The following SAMD5 variants were observed in gnomAD, a reference collection of about 807,000 sequenced individuals.
SAMD5 encodes the protein sterile alpha motif domain containing 5, also known as sterile alpha motif domain-containing protein 5.
Under a neutral mutation model 11.3 loss-of-function variants are expected in SAMD5, and 13 were observed. The observed-to-expected ratio is 1.15, with a 90% CI of 0.75 to 1.83. SAMD5 has a LOEUF of 1.83. SAMD5 is among the 40% of genes most tolerant of loss of function. SAMD5 has a pLI of 0.00. For missense variants in SAMD5, 255 were observed against 239.1 expected (o/e 1.07, Z -0.44); for synonymous variants, 129 against 111.3 (o/e 1.16, Z -1.00).
At chr6:147,706,550 A>C (rs1446896053) in intron 1 of SAMD5, among the ~76,000 whole-genome samples, 4 of 152,228 alleles carry the variant, frequency 2.6e-5, no homozygotes, top group African/African-American at 7.2e-5. Context: ...TATGAAGGAA[A>C]GAGGAAAAAC....
At chr6:147,823,961 T>C in the SAMD5 span, among the ~76,000 whole-genome samples, 6 of 152,212 alleles carry the variant, frequency 3.9e-5, no homozygotes, top group African/African-American at 1.4e-4. Flanking sequence ...AATTTCCATT[T>C]GAATTATGGA....
the SAMD5 span, among the ~76,000 whole-genome samples, chr6:147,752,762 C>G: frequency 6.6e-6 from 1 of 152,280 alleles, no homozygotes; most frequent in South Asian, 2.1e-4. Context: ...AATCTGACCT[C>G]ATGGTGGCTC....
rs770967860 is a variant in SAMD5 at position 147,682,121 on chromosome 6, C to T, written c.163-55196C>T. 4.6e-5 allele frequency among the ~76,000 whole-genome samples: 7 copies of T among 152,166 alleles called. 1 individual carries two copies. Among genetic ancestry groups the T allele is most frequent in the South Asian group, 2.1e-4 (1 of 4,828 alleles). On this transcript the variant is annotated intron_variant, in intron 1 of 1. Transcript: ENST00000566741. ...CCTCCCTGGACTCTTATCTCTGTCT[C>T]CTCCATTTACAGTGGCATCAGGCTC...
chr6:147,737,115 G>C (rs1791814053), intron 1 of SAMD5, among the ~76,000 whole-genome samples: 1 of 152,028 alleles, frequency 6.6e-6, no homozygotes, highest in Admixed American at 6.6e-5. Context: ...ATACATTATA[G>C]TGTATTATAT....
At chr6:147,908,647 T>C in the SAMD5 span, among the ~76,000 whole-genome samples, 1 of 152,180 alleles carries the variant, frequency 6.6e-6, no homozygotes. Flanking sequence ...TCCTGTGGAT[T>C]TGTGTAGATA....
chr6:147,930,032 G>A, the SAMD5 span, among the ~76,000 whole-genome samples: 4 of 152,132 alleles, frequency 2.6e-5, no homozygotes, highest in African/African-American at 9.7e-5. Context: ...TCCACTAAAT[G>A]TCATAGACCT....
chr6:147,632,237 G>A (rs1234667803), intron 1 of SAMD5, among the ~76,000 whole-genome samples: 3 of 152,252 alleles, frequency 2.0e-5, no homozygotes, highest in African/African-American at 4.8e-5. Flanking sequence ...GAAGTAAAGC[G>A]GCCTTGAGAA....
chr6:147,628,506 G>T (rs551329856), intron 1 of SAMD5, among the ~76,000 whole-genome samples: 23 of 152,278 alleles, frequency 1.5e-4, no homozygotes, highest in African/African-American at 5.3e-4. Flanking sequence ...TTGATGATGG[G>T]ATTACTGGAG....
intron 1 of SAMD5, among the ~76,000 whole-genome samples, chr6:147,712,622 CTT>C (rs1441833999): frequency 1.3e-5 from 2 of 152,074 alleles, no homozygotes; most frequent in Non-Finnish European, 2.9e-5. Context: ...GGGTGGCACT[CTT>C]TTGATGGGAT....
intron 1 of SAMD5, among the ~76,000 whole-genome samples, chr6:147,606,513 C>T (rs1221242052): frequency 6.6e-6 from 1 of 151,464 alleles, no homozygotes; most frequent in Admixed American, 6.6e-5. Context: ...ATCTGTTACC[C>T]CTGCATTTTT....
chr6:147,558,788 C>A (rs1407813269), intron 1 of SAMD5, among the ~76,000 whole-genome samples: 4 of 152,058 alleles, frequency 2.6e-5, no homozygotes, highest in Non-Finnish European at 5.9e-5. Context: ...CCCCACTCCC[C>A]TTTAAGGCTA....
the SAMD5 span, among the ~76,000 whole-genome samples, chr6:147,939,052 T>C: frequency 1.3e-5 from 2 of 152,122 alleles, no homozygotes; most frequent in Non-Finnish European, 2.9e-5. Flanking sequence ...CCCTCCTAAG[T>C]TTTGATGACT....
At chr6:147,813,512 A>G in the SAMD5 span, among the ~76,000 whole-genome samples, 2,312 of 152,282 alleles carry the variant, frequency 0.015, 65 homozygotes, top group African/African-American at 0.053. Context: ...GATAAATAAT[A>G]TTGCCCTTTG....
intron 1 of SAMD5, among the ~76,000 whole-genome samples, chr6:147,535,166 C>T (rs1788489268): frequency 6.6e-6 from 1 of 152,178 alleles, no homozygotes; most frequent in South Asian, 2.1e-4. Flanking sequence ...CTTCTTCCTG[C>T]TTACAGGGGA....
At chr6:147,779,575 A>C in the SAMD5 span, among the ~76,000 whole-genome samples, 5 of 150,826 alleles carry the variant, frequency 3.3e-5, no homozygotes, top group African/African-American at 9.8e-5. Context: ...GGCTCACTGC[A>C]ACGTCTGCCT....
the SAMD5 span, among the ~76,000 whole-genome samples, chr6:147,754,116 G>C: frequency 6.6e-6 from 1 of 152,148 alleles, no homozygotes; most frequent in Non-Finnish European, 1.5e-5. Context: ...GGTTTCTGAG[G>C]AAACTCCAAA....
the SAMD5 span, among the ~76,000 whole-genome samples, chr6:147,909,588 CTTTCTTTCTT>C: frequency 1.5e-5 from 1 of 67,194 alleles, no homozygotes; most frequent in Admixed American, 1.6e-4. Context: ...TTCTTTCTTT[CTTTCTTTCTT>C]TCTTTCTTTC....
At chr6:147,891,855 C>A in the SAMD5 span, among the ~76,000 whole-genome samples, 1 of 151,870 alleles carries the variant, frequency 6.6e-6, no homozygotes, top group African/African-American at 2.4e-5. Flanking sequence ...GCCAGACGTG[C>A]CTGGAAAAGA....
the SAMD5 span, among the ~76,000 whole-genome samples, chr6:147,875,506 T>G: frequency 6.6e-5 from 10 of 152,272 alleles, no homozygotes; most frequent in Admixed American, 1.3e-4. Flanking sequence ...CCTCTTCTCT[T>G]CTACTCTCTT....
Sources: gnomAD v4.1 joint callset for allele counts (sites outside exome capture counted in the v4.1 genomes callset) on GRCh38, gnomAD v4.1.1 for gene constraint, MANE v1.5 for transcripts, NCBI Gene and HGNC (gene_info 2026-07-23, HGNC 2026-07-21) for gene names.